The following CALN1 variants were observed in gnomAD, a reference collection of about 807,000 sequenced individuals.
The protein encoded by CALN1 is calneuron 1.
CALN1 carries 17 observed loss-of-function variants against 30.6 expected under a neutral mutation model. The ratio of observed to expected loss-of-function variants is 0.56; its 90% CI spans 0.38 to 0.83. The LOEUF (loss-of-function observed/expected upper bound fraction) is 0.83. CALN1 is among the 40% of genes least tolerant of loss of function. The probability of loss-of-function intolerance (pLI) is 0.00; values close to 1 mark genes in which losing one functional copy is unlikely to be tolerated. For missense variants in CALN1, 291 were observed against 354.9 expected (o/e 0.82, Z 1.45); for synonymous variants, 156 against 131.4 (o/e 1.19, Z -1.28).
At chr7:71,898,016 G>A (rs13226235) in intron 5 of CALN1, among the ~76,000 whole-genome samples, 6,458 of 77,554 alleles carry the variant, frequency 0.083, 442 homozygotes, top group East Asian at 0.44. Context: ...AGGGAGGGGG[G>A]GGGAGAGAGA....
At chr7:72,489,676 C>T in the CALN1 span, among the ~76,000 whole-genome samples, 3 of 152,200 alleles carry the variant, frequency 2.0e-5, no homozygotes, top group Non-Finnish European at 4.4e-5. Flanking sequence ...CAATTGCACC[C>T]TCTAAAGCCA....
intron 2 of CALN1, among the ~76,000 whole-genome samples, chr7:72,390,077 G>A (rs1445620881): frequency 6.6e-6 from 1 of 152,082 alleles, no homozygotes; most frequent in Non-Finnish European, 1.5e-5. Flanking sequence ...GGTTGGCTAA[G>A]GAGGGGTAGG....
intron 3 of CALN1, among the ~76,000 whole-genome samples, chr7:72,230,341 C>A (rs925656901): frequency 1.5e-4 from 4 of 27,258 alleles, no homozygotes; most frequent in Non-Finnish European, 2.1e-4. Context: ...ACAATAGATA[C>A]TAAAAAAAAA....
At chr7:71,971,967 A>AAGAAAGAAAGAAAGAAAGAAAGAC (rs1797848873) in intron 5 of CALN1, among the ~76,000 whole-genome samples, 5 of 136,702 alleles carry the variant, frequency 3.7e-5, no homozygotes, top group African/African-American at 1.4e-4. Context: ...GAAAGAAAGA[A>AAGAAAGAAAGAAAGAAAGAAAGAC]AGAAAGAAAG....
chr7:71,947,666 C>T lies in CALN1; in HGVS notation c.501+75991G>A, dbSNP rs371933409. 6.8e-4 allele frequency among the ~76,000 whole-genome samples: 103 copies of T among 152,194 alleles called. 1 individual carries two copies. The highest frequency in any genetic ancestry group is 2.4e-3 in the African/African-American group (99 of 41,524). Reference sequence around the variant, plus strand: ...ACAATTTTTAAAAATTGCTGCCGGGCATGGAGGCTCACACCTGTAATCCCA... The same window carrying T: ...ACAATTTTTAAAAATTGCTGCCGGGTATGGAGGCTCACACCTGTAATCCCA... On this transcript the variant is annotated intron_variant, in intron 5 of 6. Coordinates refer to ENST00000395275, the MANE Select transcript of CALN1 (RefSeq NM_031468.4).
intron 2 of CALN1, among the ~76,000 whole-genome samples, chr7:72,326,273 T>G (rs1801271240): frequency 1.3e-5 from 2 of 152,206 alleles, no homozygotes; most frequent in African/African-American, 4.8e-5. Flanking sequence ...TTGCTTGTCT[T>G]GGATAGGCAC....
intron 5 of CALN1, among the ~76,000 whole-genome samples, chr7:71,862,446 G>A (rs1227860608): frequency 6.6e-6 from 1 of 152,142 alleles, no homozygotes; most frequent in East Asian, 1.9e-4. Flanking sequence ...TTTTATAAAA[G>A]GGGCTCCTGC....
intron 6 of CALN1, among the ~76,000 whole-genome samples, chr7:71,790,866 G>T (rs1562780783): frequency 6.6e-6 from 1 of 151,880 alleles, no homozygotes; most frequent in African/African-American, 2.4e-5. Context: ...GGACAGGAGG[G>T]GTGTGTGTGT....
At chr7:72,426,029 G>A (rs563801232) in intron 1 of CALN1, among the ~76,000 whole-genome samples, 1 of 152,352 alleles carries the variant, frequency 6.6e-6, no homozygotes, top group South Asian at 2.1e-4. Context: ...TGATTGGGAG[G>A]CATCTCTGAT....
intron 5 of CALN1, among the ~76,000 whole-genome samples, chr7:71,857,737 T>G (rs979891913): frequency 6.6e-6 from 1 of 152,282 alleles, no homozygotes; most frequent in Admixed American, 6.5e-5. Flanking sequence ...TTGTTCAATT[T>G]ATTCCTTCCA....
At chr7:71,847,826 AAGGAGAAGG>A (rs1277143060) in intron 5 of CALN1, among the ~76,000 whole-genome samples, 2 of 101,540 alleles carry the variant, frequency 2.0e-5, no homozygotes, top group African/African-American at 9.9e-5. Context: ...GGAGAAGGAG[AAGGAGAAGG>A]AGAAGGAGAA....
intron 3 of CALN1, among the ~76,000 whole-genome samples, chr7:72,162,215 G>T (rs1788164846): frequency 6.6e-6 from 1 of 151,906 alleles, no homozygotes. Flanking sequence ...ATTACCTTGA[G>T]TCTTAAGAGC....
Position 71,998,013 on chromosome 7 carries a change from G to A in CALN1, c.501+25644C>T, listed in dbSNP as rs572299132. 3.9e-5 allele frequency among the ~76,000 whole-genome samples: 6 copies of A among 152,026 alleles called. 1 individual carries two copies. The highest frequency in any genetic ancestry group is 9.6e-5 in the African/African-American group (4 of 41,490). ...TTTTTGTATTTTTAGTAAAGATGGA[G>A]TTTCACCATCTTGGCCAGGCTGGTC... On this transcript the variant is annotated intron_variant, in intron 5 of 6. Coordinates refer to ENST00000395275, the MANE Select transcript of CALN1 (RefSeq NM_031468.4).
chr7:72,376,687 G>C (rs867054471), intron 2 of CALN1, among the ~76,000 whole-genome samples: 1 of 152,058 alleles, frequency 6.6e-6, no homozygotes, highest in Non-Finnish European at 1.5e-5. Flanking sequence ...GGTGTCATTT[G>C]ATTCACATAC....
chr7:72,367,151 GA>G (rs1803925786), intron 2 of CALN1, among the ~76,000 whole-genome samples: 1 of 152,048 alleles, frequency 6.6e-6, no homozygotes, highest in South Asian at 2.1e-4. Flanking sequence ...TTAGAAGTCA[GA>G]ATACTAGTTA....
intron 3 of CALN1, among the ~76,000 whole-genome samples, chr7:72,196,630 C>A (rs1791024423): frequency 6.6e-6 from 1 of 152,184 alleles, no homozygotes; most frequent in Non-Finnish European, 1.5e-5. Context: ...AAAGAAAGAT[C>A]TAGAGAAGCA....
chr7:72,052,979 A>C (rs918599643), intron 4 of CALN1, among the ~76,000 whole-genome samples: 2 of 151,970 alleles, frequency 1.3e-5, no homozygotes, highest in African/African-American at 4.8e-5. Flanking sequence ...CCTGTAATCC[A>C]AGCACTTTGG....
chr7:71,828,937 C>T (rs966258672), intron 5 of CALN1, among the ~76,000 whole-genome samples: 4 of 151,776 alleles, frequency 2.6e-5, no homozygotes, highest in East Asian at 1.9e-4. Context: ...TTAGTAGAGA[C>T]GGGGTTTCCC....
intron 3 of CALN1, among the ~76,000 whole-genome samples, chr7:72,136,077 G>C (rs1010548826): frequency 1.3e-5 from 2 of 151,852 alleles, no homozygotes; most frequent in Admixed American, 1.3e-4. Context: ...AGAGGTTGCA[G>C]TGAGCCAAGA....
Sources: allele counts gnomAD v4.1 joint callset (sites outside exome capture counted in the v4.1 genomes callset), GRCh38; gene constraint gnomAD v4.1.1; transcripts MANE v1.5; gene names NCBI Gene and HGNC (gene_info 2026-07-23, HGNC 2026-07-21).